Variants in CHSY3 observed in about 807,000 individuals in gnomAD.
CHSY3 encodes the protein N-acetylgalactosaminyl-proteoglycan 3-beta-glucuronosyltransferase 3.
Under a neutral mutation model 67.2 loss-of-function variants are expected in CHSY3, and 35 were observed. That is an observed-to-expected ratio of 0.52 (90% CI 0.40 to 0.69). The LOEUF (loss-of-function observed/expected upper bound fraction) is 0.69. Among genes scored for constraint, CHSY3 ranks in the 30% least tolerant of loss-of-function variants. CHSY3 has a pLI of 0.00. For synonymous variants in CHSY3, 474 were observed against 434.7 expected, an observed-to-expected ratio of 1.09 and a Z score of -1.12; for missense variants, 1,069 against 1,138.5, an observed-to-expected ratio of 0.94 and a Z score of 0.88.
At chr5:130,067,978 T>C (rs1341611910) in intron 2 of CHSY3, among the ~76,000 whole-genome samples, 1 of 152,174 alleles carries the variant, frequency 6.6e-6, no homozygotes. Flanking sequence ...ATAAATAACT[T>C]TCCCAGTGAA....
intron 2 of CHSY3, among the ~76,000 whole-genome samples, chr5:130,107,740 A>G (rs571205450): frequency 1.3e-5 from 2 of 151,720 alleles, no homozygotes; most frequent in African/African-American, 4.8e-5. Flanking sequence ...GTATTTGATC[A>G]ATCAAGTCAG....
At chr5:130,096,378 A>T (rs1217821992) in intron 2 of CHSY3, among the ~76,000 whole-genome samples, 1 of 152,124 alleles carries the variant, frequency 6.6e-6, no homozygotes, top group African/African-American at 2.4e-5. Flanking sequence ...TCACCCTGTC[A>T]ACCAGTATGG....
chr5:129,994,085 T>G (rs1763455173), intron 2 of CHSY3, among the ~76,000 whole-genome samples: 1 of 152,192 alleles, frequency 6.6e-6, no homozygotes, highest in South Asian at 2.1e-4. Context: ...AGATCAGCTG[T>G]TAGTGTGATG....
At chr5:130,143,818 A>ATATATATATATATATATATATGTGTGTG (rs1768986354) in intron 2 of CHSY3, among the ~76,000 whole-genome samples, 5 of 116,722 alleles carry the variant, frequency 4.3e-5, no homozygotes, top group Non-Finnish European at 5.3e-5. Context: ...GTGTATATAT[A>ATATATATATATATATATATATGTGTGTG]TATATATATA....
At chr5:130,055,454 A>C (rs1370611736) in intron 2 of CHSY3, among the ~76,000 whole-genome samples, 4 of 152,162 alleles carry the variant, frequency 2.6e-5, no homozygotes, top group Non-Finnish European at 5.9e-5. Flanking sequence ...GTAGATTGTG[A>C]AACAAGAGTT....
chr5:129,958,938 T>C (rs1762253274), intron 2 of CHSY3, among the ~76,000 whole-genome samples: 1 of 152,068 alleles, frequency 6.6e-6, no homozygotes. Context: ...AAGAATAAAA[T>C]ATAGGACTCA....
At chr5:129,991,296 G>T (rs1227951365) in intron 2 of CHSY3, among the ~76,000 whole-genome samples, 1 of 152,144 alleles carries the variant, frequency 6.6e-6, no homozygotes, top group Non-Finnish European at 1.5e-5. Context: ...GATGATGCCA[G>T]TTGGACTTCT....
intron 2 of CHSY3, among the ~76,000 whole-genome samples, chr5:129,956,716 G>A (rs1762185791): frequency 6.6e-6 from 1 of 152,032 alleles, no homozygotes; most frequent in South Asian, 2.1e-4. Flanking sequence ...TTATTGAATA[G>A]GGAGTATGTC....
intron 2 of CHSY3, among the ~76,000 whole-genome samples, chr5:129,977,881 A>G (rs543746027): frequency 6.6e-6 from 1 of 152,018 alleles, no homozygotes; most frequent in Non-Finnish European, 1.5e-5. Context: ...AAAAAAAAAA[A>G]AACTAATAGC....
chr5:130,024,039 T>C lies in CHSY3; in HGVS notation c.1086+115679T>C, dbSNP rs375050535. Among the ~76,000 whole-genome samples the C allele has an allele frequency of 4.6e-4, 69 of 149,462 alleles. No individual in the cohort carries two copies. In the South Asian group the frequency reaches 0.014, roughly 31 times the overall value. ...AAGTTTTTAAACAGTTTATTCCACTTAAAATATGCAATCAATGTAGACACT... is the reference window on the plus strand; with the variant it reads ...AAGTTTTTAAACAGTTTATTCCACTCAAAATATGCAATCAATGTAGACACT... On this transcript the variant is annotated intron_variant, in intron 2 of 2. Coordinates refer to ENST00000305031, the MANE Select transcript of CHSY3 (RefSeq NM_175856.5).
chr5:130,118,432 A>G (rs889968737), intron 2 of CHSY3, among the ~76,000 whole-genome samples: 1 of 151,326 alleles, frequency 6.6e-6, no homozygotes, highest in South Asian at 2.1e-4. Flanking sequence ...ACATCTCTCT[A>G]TCTGTCTATA....
chr5:129,944,193 A>G (rs1181704354), intron 2 of CHSY3, among the ~76,000 whole-genome samples: 3 of 152,218 alleles, frequency 2.0e-5, no homozygotes, highest in Non-Finnish European at 4.4e-5. Flanking sequence ...CCTTACTTCA[A>G]CAGAGATAAG....
At chr5:130,122,936 T>C (rs1357569170) in intron 2 of CHSY3, among the ~76,000 whole-genome samples, 1 of 152,194 alleles carries the variant, frequency 6.6e-6, no homozygotes, top group Non-Finnish European at 1.5e-5. Context: ...ATGATGTTAA[T>C]TGACCATATG....
chr5:130,016,968 T>C (rs916569481), intron 2 of CHSY3, among the ~76,000 whole-genome samples: 2 of 151,998 alleles, frequency 1.3e-5, no homozygotes, highest in African/African-American at 4.8e-5. Flanking sequence ...AGGGGTATGG[T>C]ATAGGTAATA....
At chr5:130,024,977 T>G (rs1326026512) in intron 2 of CHSY3, among the ~76,000 whole-genome samples, 1 of 152,146 alleles carries the variant, frequency 6.6e-6, no homozygotes, top group African/African-American at 2.4e-5. Flanking sequence ...CTATTTTTAT[T>G]GATTCAGCAA....
At chr5:130,053,365 G>A (rs1476447859) in intron 2 of CHSY3, among the ~76,000 whole-genome samples, 1 of 152,090 alleles carries the variant, frequency 6.6e-6, no homozygotes, top group East Asian at 1.9e-4. Flanking sequence ...TCAAGCAAAA[G>A]CTATATAGGG....
chr5:130,012,953 A>G (rs1764110714), intron 2 of CHSY3, among the ~76,000 whole-genome samples: 1 of 152,068 alleles, frequency 6.6e-6, no homozygotes, highest in African/African-American at 2.4e-5. Context: ...ATGAGCCTGT[A>G]AAATCAAAAG....
At position 130,038,989 on chromosome 5, in the gene CHSY3, G is replaced by A. The variant is rs193112503; in HGVS notation, c.1086+130629G>A. On this transcript the variant is annotated intron_variant, in intron 2 of 2. Transcript: ENST00000305031. ...CTGAAAGAAATGCTGAAATTCATAC[G>A]AATATTTCTATATCGTAACAGTTCC... Among the ~76,000 whole-genome samples, 27 of 152,100 alleles carry A rather than the reference G, an allele frequency of 1.8e-4. No homozygotes were observed. The Middle Eastern group carries it at 0.01, about 57-fold the overall frequency.
chr5:130,128,254 G>GTGTGCA, intron 2 of CHSY3, among the ~76,000 whole-genome samples: 2 of 134,662 alleles, frequency 1.5e-5, no homozygotes, highest in East Asian at 7.3e-4. Context: ...GTGTGTGTGT[G>GTGTGCA]CGCTCACATG....
Sources: allele counts gnomAD v4.1 joint callset (sites outside exome capture counted in the v4.1 genomes callset), GRCh38; gene constraint gnomAD v4.1.1; transcripts MANE v1.5; gene names NCBI Gene and HGNC (gene_info 2026-07-23, HGNC 2026-07-21).